The following PRKG1 variants were observed in gnomAD, a reference collection of about 807,000 sequenced individuals.
PRKG1 encodes the protein cGMP-dependent protein kinase 1.
In PRKG1, 35 loss-of-function variants were observed where a neutral mutation model predicts 88.1. That is an observed-to-expected ratio of 0.40 (90% confidence interval 0.30 to 0.53). PRKG1 has a LOEUF of 0.53. PRKG1 is among the 20% of genes least tolerant of loss of function. The pLI, the probability that PRKG1 is intolerant of heterozygous loss-of-function variation, is 0.59. For synonymous variants in PRKG1, 303 were observed against 292.5 expected (o/e 1.04, Z -0.37); for missense variants, 540 against 839.8 (o/e 0.64, Z 4.41).
intron 3 of PRKG1, among the ~76,000 whole-genome samples, chr10:51,741,874 C>T (rs997007562): frequency 6.6e-5 from 10 of 152,188 alleles, no homozygotes; most frequent in Non-Finnish European, 1.0e-4. Context: ...AATTCTATTT[C>T]CCAGTGGCAG....
intron 2 of PRKG1, among the ~76,000 whole-genome samples, chr10:51,283,236 C>G (rs181507571): frequency 7.5e-4 from 113 of 151,472 alleles, no homozygotes; most frequent in African/African-American, 2.5e-3. Context: ...AAAACAAAAA[C>G]AAAAACTAAC....
intron 4 of PRKG1, among the ~76,000 whole-genome samples, chr10:51,843,093 CTTTTTTT>C (rs1167219822): frequency 1.1e-5 from 1 of 87,912 alleles, no homozygotes; most frequent in African/African-American, 4.2e-5. Context: ...GAAAATTATT[CTTTTTTT>C]TTTTTTTTTT....
chr10:51,107,909 G>A (rs183084479), intron 1 of PRKG1, among the ~76,000 whole-genome samples: 2 of 151,022 alleles, frequency 1.3e-5, no homozygotes, highest in South Asian at 2.1e-4. Flanking sequence ...AAATGAGAGA[G>A]AGGCATTTTA....
At chr10:51,499,923 C>T (rs1840973240) in intron 3 of PRKG1, among the ~76,000 whole-genome samples, 1 of 152,168 alleles carries the variant, frequency 6.6e-6, no homozygotes, top group African/African-American at 2.4e-5. Context: ...CATGCCACTA[C>T]ATTCCAGCCC....
At chr10:52,022,400 A>C (rs544770514) in intron 5 of PRKG1, among the ~76,000 whole-genome samples, 4 of 152,346 alleles carry the variant, frequency 2.6e-5, no homozygotes, top group Non-Finnish European at 4.4e-5. Context: ...TCAAATATTT[A>C]CATTTACAGT....
rs145804306 is a variant in PRKG1 at position 52,145,810 on chromosome 10, C to T, written c.1001+11905C>T. Among the ~76,000 whole-genome samples the T allele has an allele frequency of 3.4e-3, 523 of 152,266 alleles. 2 individuals are homozygous for T. Among genetic ancestry groups the T allele is most frequent in the African/African-American group, 0.012 (489 of 41,564 alleles). On this transcript the variant is annotated intron_variant, in intron 8 of 17. Coordinates refer to ENST00000373980, the MANE Select transcript of PRKG1 (RefSeq NM_006258.4). ...TTCAATATGTCTAGCAGTTGGTACTCGTTTTGGAACTCATAGCATGGATGT... is the reference window on the plus strand; with the variant it reads ...TTCAATATGTCTAGCAGTTGGTACTTGTTTTGGAACTCATAGCATGGATGT...
chr10:51,195,561 A>G (rs369841330), intron 2 of PRKG1, among the ~76,000 whole-genome samples: 9 of 152,162 alleles, frequency 5.9e-5, no homozygotes, highest in African/African-American at 2.2e-4. Context: ...TTATTAGTCA[A>G]TAAGTTCTAC....
chr10:51,869,520 A>T (rs1435060955), intron 4 of PRKG1, among the ~76,000 whole-genome samples: 3 of 152,166 alleles, frequency 2.0e-5, no homozygotes, highest in African/African-American at 7.2e-5. Context: ...TGCAGGGGAG[A>T]TAAAAGGACA....
At chr10:51,217,821 A>G (rs1838411585) in intron 2 of PRKG1, among the ~76,000 whole-genome samples, 1 of 152,166 alleles carries the variant, frequency 6.6e-6, no homozygotes, top group African/African-American at 2.4e-5. Flanking sequence ...AGCAAGAAAA[A>G]TGGAAAAGCT....
chr10:51,097,691 C>A (rs1446007753), intron 1 of PRKG1, among the ~76,000 whole-genome samples: 1 of 152,144 alleles, frequency 6.6e-6, no homozygotes, highest in African/African-American at 2.4e-5. Flanking sequence ...TGCCCGCCCT[C>A]CTTCAGAGCA....
chr10:51,397,487 A>G (rs1408362329), intron 2 of PRKG1, among the ~76,000 whole-genome samples: 2 of 152,126 alleles, frequency 1.3e-5, no homozygotes, highest in African/African-American at 4.8e-5. Context: ...AAAACCTCTT[A>G]CCTAGAGGCC....
intron 2 of PRKG1, among the ~76,000 whole-genome samples, chr10:51,179,966 G>A (rs1837302111): frequency 6.6e-6 from 1 of 152,148 alleles, no homozygotes; most frequent in Admixed American, 6.5e-5. Flanking sequence ...TATAAAGAAA[G>A]CCTTCCATAA....
chr10:51,789,436 T>C (rs1038543329), intron 3 of PRKG1, among the ~76,000 whole-genome samples: 2 of 152,144 alleles, frequency 1.3e-5, no homozygotes, highest in African/African-American at 4.8e-5. Context: ...CCCTCCTACA[T>C]GTTGAAGAGC....
intron 3 of PRKG1, chr10:51,468,072 T>G: frequency 6.8e-6 from 3 of 441,422 alleles, no homozygotes; most frequent in Non-Finnish European, 1.2e-5. Context: ...AATCAATAAC[T>G]TCTCATAATT....
chr10:51,504,349 T>A (rs953592939), intron 3 of PRKG1, among the ~76,000 whole-genome samples: 2 of 152,186 alleles, frequency 1.3e-5, no homozygotes, highest in Non-Finnish European at 2.9e-5. Flanking sequence ...TTGGTACCAG[T>A]ACCATGCTAT....
intron 4 of PRKG1, among the ~76,000 whole-genome samples, chr10:51,860,838 A>G (rs1450179907): frequency 6.6e-6 from 1 of 152,364 alleles, no homozygotes; most frequent in African/African-American, 2.4e-5. Context: ...TGGAAAGCAT[A>G]TAAGAAAAGG....
intron 2 of PRKG1, among the ~76,000 whole-genome samples, chr10:51,311,336 C>T (rs778943259): frequency 3.3e-5 from 5 of 152,192 alleles, no homozygotes; most frequent in Admixed American, 6.5e-5. Context: ...ATCTTTGTAT[C>T]CTTCAGTGTC....
chr10:51,483,847 C>A (rs1840443723), intron 3 of PRKG1, among the ~76,000 whole-genome samples: 1 of 152,174 alleles, frequency 6.6e-6, no homozygotes, highest in Admixed American at 6.5e-5. Context: ...CTGCTGAAAC[C>A]ATGATGTTTT....
At chr10:51,345,618 A>G (rs923621622) in intron 2 of PRKG1, among the ~76,000 whole-genome samples, 4 of 152,194 alleles carry the variant, frequency 2.6e-5, no homozygotes, top group African/African-American at 9.7e-5. Flanking sequence ...AATCCCATAC[A>G]TAATCTCATT....
Sources: allele counts gnomAD v4.1 joint callset (sites outside exome capture counted in the v4.1 genomes callset), GRCh38; gene constraint gnomAD v4.1.1; transcripts MANE v1.5; gene names NCBI Gene and HGNC (gene_info 2026-07-23, HGNC 2026-07-21).